ASCC3: variants seen among roughly 807,000 people sequenced by gnomAD.
ASCC3 encodes activating signal cointegrator 1 complex subunit 3.
Under a neutral mutation model 256.3 loss-of-function variants are expected in ASCC3, and 158 were observed. The observed-to-expected ratio is 0.62, with a 90% CI of 0.54 to 0.70. ASCC3 has a LOEUF of 0.70. Among genes scored for constraint, ASCC3 ranks in the 30% least tolerant of loss-of-function variants. The pLI is 0.00. For synonymous variants in ASCC3, 948 were observed against 883.4 expected (o/e 1.07, Z -1.30); for missense variants, 2,259 against 2,626.0 (o/e 0.86, Z 3.05).
intron 11 of ASCC3, among the ~76,000 whole-genome samples, chr6:100,724,159 A>C (rs199742982): frequency 0.057 from 8,477 of 147,554 alleles, 313 homozygotes; most frequent in East Asian, 0.14. Flanking sequence ...AAAAAAAAAA[A>C]CAAAAAAAAA....
At chr6:100,844,028 A>C (rs1772274040) in intron 4 of ASCC3, among the ~76,000 whole-genome samples, 1 of 151,542 alleles carries the variant, frequency 6.6e-6, no homozygotes. Context: ...AATGGGGTTC[A>C]CAAGAGCTTA....
chr6:100,646,340 C>T (rs917156815), intron 22 of ASCC3, among the ~76,000 whole-genome samples: 7 of 152,078 alleles, frequency 4.6e-5, no homozygotes, highest in East Asian at 1.9e-4. Context: ...GACAGAGTCT[C>T]GCTCTGTCGC....
rs752362070 is a variant in ASCC3, at chr6:100,848,190, A to G, written c.759T>C (p.Asp253=). Residue 253 remains aspartate (D), a synonymous_variant, in exon 4 of 42, where the codon GAT becomes GAC. Transcript: ENST00000369162. ...CACCACTTTTAATAGAAGCAAGCAT[A>G]TCATATAAAGTACAGCAAAGATCTT... The part of the protein sequence containing the change: ...RVEDLCCTLY[D]MLASIKSGDE... 6.2e-7 allele frequency: 1 copy of G among 1,605,944 alleles called. No homozygotes were observed. The highest frequency in any genetic ancestry group is 1.1e-5 in the South Asian group (1 of 88,974).
chr6:100,508,945 C>T lies in ASCC3; in HGVS notation c.*441G>A, dbSNP rs1025443006. 2.1e-5 allele frequency: 4 copies of T among 193,378 alleles called. No individual in the cohort carries two copies. In the South Asian group the frequency reaches 4.0e-4, roughly 20 times the overall value. The allele number at this position is 193,378 out of a possible 1,614,324, so 12.0% of individuals were successfully genotyped here. On this transcript the variant is annotated 3_prime_UTR_variant, in exon 42 of 42. Transcript: ENST00000369162. The stretch of plus-strand genomic sequence containing the variant: ...TTTTGCTAACAAGACACGCTGTGTA[C>T]CACCTTACAGATTTATAGTTTATGC...
At chr6:100,518,838 G>C (rs1774163170) in intron 37 of ASCC3, among the ~76,000 whole-genome samples, 1 of 152,166 alleles carries the variant, frequency 6.6e-6, no homozygotes, top group Non-Finnish European at 1.5e-5. Flanking sequence ...AATTAAATTA[G>C]ATTCTGGAGA....
chr6:100,599,316 A>T (rs1229879866), intron 34 of ASCC3, among the ~76,000 whole-genome samples: 1 of 152,202 alleles, frequency 6.6e-6, no homozygotes, highest in Admixed American at 6.5e-5. Flanking sequence ...GGAAATCAGC[A>T]AAAGCCAAAT....
At chr6:100,635,947 T>A (rs1312994649) in intron 25 of ASCC3, among the ~76,000 whole-genome samples, 1 of 152,178 alleles carries the variant, frequency 6.6e-6, no homozygotes, top group African/African-American at 2.4e-5. Flanking sequence ...TAACTTTGCC[T>A]ATGAAGTGGG....
chr6:100,649,143 G>A (rs1775536138), intron 20 of ASCC3, among the ~76,000 whole-genome samples: 1 of 151,666 alleles, frequency 6.6e-6, no homozygotes, highest in South Asian at 2.1e-4. Context: ...GAAAAAACAG[G>A]GATGCTTTGA....
chr6:100,586,448 T>A (rs1209567986), intron 36 of ASCC3, among the ~76,000 whole-genome samples: 1 of 152,180 alleles, frequency 6.6e-6, no homozygotes, highest in Non-Finnish European at 1.5e-5. Flanking sequence ...AGTGCAGTAT[T>A]CGGGTGGGAG....
intron 12 of ASCC3, among the ~76,000 whole-genome samples, chr6:100,716,534 G>C (rs1779094614): frequency 6.6e-6 from 1 of 151,844 alleles, no homozygotes; most frequent in Non-Finnish European, 1.5e-5. Context: ...GAACTCTTAT[G>C]ACCTATAACG....
At chr6:100,799,013 A>T (rs550163913) in intron 7 of ASCC3, among the ~76,000 whole-genome samples, 175 bp from the exon 8 acceptor site, 5 of 152,046 alleles carry the variant, frequency 3.3e-5, no homozygotes, top group Non-Finnish European at 5.9e-5. Context: ...AAATGCAAAA[A>T]ACCACTCACA....
At chr6:100,648,587 G>C (rs1300364899) in intron 20 of ASCC3, among the ~76,000 whole-genome samples, 1 of 151,940 alleles carries the variant, frequency 6.6e-6, no homozygotes, top group African/African-American at 2.4e-5. Context: ...CAAAATGGTA[G>C]ATAGAAGTAT....
intron 8 of ASCC3, among the ~76,000 whole-genome samples, chr6:100,788,061 T>G (rs1195514949): frequency 6.6e-6 from 1 of 151,904 alleles, no homozygotes; most frequent in African/African-American, 2.4e-5. Context: ...GAGAAAATAT[T>G]ACAAACACAT....
At chr6:100,708,495 A>T (rs1182242051) in intron 13 of ASCC3, among the ~76,000 whole-genome samples, 2 of 152,256 alleles carry the variant, frequency 1.3e-5, no homozygotes, top group African/African-American at 4.8e-5. Context: ...GGATGCCTCA[A>T]GAGACATCCC....
At chr6:100,739,409 T>C (rs74835502) in intron 10 of ASCC3, among the ~76,000 whole-genome samples, 1 of 152,184 alleles carries the variant, frequency 6.6e-6, no homozygotes, top group African/African-American at 2.4e-5. Flanking sequence ...TTGTTTTTTG[T>C]TGTTGGATCT....
Position 100,718,213 on chromosome 6 carries a change from C to G in ASCC3, c.1941G>C (p.Leu647=), listed in dbSNP as rs767852924. ...CGAGGTAGTTAGGTAAAGTTGCAGACAGTCCGAGAATCCTTATCATACTCT... is the reference window on the plus strand; with the variant it reads ...CGAGGTAGTTAGGTAAAGTTGCAGAGAGTCCGAGAATCCTTATCATACTCT... ...STQSMIRILG[L]SATLPNYLDV... Residue 647 remains leucine (L), a synonymous_variant, in exon 12 of 42, where the codon CTG becomes CTC. Transcript: ENST00000369162. 1.5e-5 allele frequency: 24 copies of G among 1,612,626 alleles called. No homozygotes were observed. The highest frequency in any genetic ancestry group is 1.9e-5 in the Non-Finnish European group (22 of 1,179,012).
chr6:100,806,923 T>C lies in ASCC3; in HGVS notation c.802-1043A>G, dbSNP rs10485295. On this transcript the variant is annotated intron_variant, in intron 4 of 41. Transcript: ENST00000369162. Reference sequence around the variant, plus strand: ...AATCCTATCAAGCAAATCCTCCTAATACTACTTTCAAATTAAGGTATTATT... The same window carrying C: ...AATCCTATCAAGCAAATCCTCCTAACACTACTTTCAAATTAAGGTATTATT... 0.013 allele frequency among the ~76,000 whole-genome samples: 1,931 copies of C among 152,022 alleles called. 100 individuals carry two copies. In the East Asian group the frequency reaches 0.15, roughly 12 times the overall value.
In ASCC3 at chr6:100,767,334, C is replaced by T. The variant is rs746240672; in HGVS notation, c.1407G>A (p.Leu469=). 4 of 1,541,336 alleles carry T rather than the reference C, an allele frequency of 2.6e-6. No individual in the cohort carries two copies. The African/African-American group carries it at 5.4e-5, about 21-fold the overall frequency. Reference sequence around the variant, plus strand: ...TGAGTCTCTTCATTCCTTTAAAAGCCAGCTGTCCGATCTAAAAAAAAAAGG... The same window carrying T: ...TGAGTCTCTTCATTCCTTTAAAAGCTAGCTGTCCGATCTAAAAAAAAAAGG... The part of the protein sequence containing the change: ...YIQDLDEIGQ[L]AFKGMKRLNR... The change falls in exon 9 of 42, where the codon CTG becomes CTA. Residue 469 remains leucine, a synonymous_variant. Transcript: ENST00000369162.
At chr6:100,661,759 C>G in intron 16 of ASCC3, 47 bp downstream of exon 16, 1 of 1,574,446 alleles carries the variant, frequency 6.4e-7, no homozygotes, top group Non-Finnish European at 8.7e-7. Flanking sequence ...CTTGGTCATT[C>G]TTAAGGCTGA....
Sources: gnomAD v4.1 joint callset for allele counts (sites outside exome capture counted in the v4.1 genomes callset) on GRCh38, gnomAD v4.1.1 for gene constraint, MANE v1.5 for transcripts, NCBI Gene and HGNC (gene_info 2026-07-23, HGNC 2026-07-21) for gene names.